Variants in ZRANB3 observed in about 807,000 individuals in gnomAD.
ZRANB3 encodes DNA annealing helicase and endonuclease ZRANB3.
Under a neutral mutation model 133.8 loss-of-function variants are expected in ZRANB3, and 125 were observed. That is an observed-to-expected ratio of 0.93 (90% CI 0.81 to 1.08). The LOEUF (loss-of-function observed/expected upper bound fraction) is 1.08, where lower values mean the gene tolerates loss of function less well. Ranked by LOEUF, ZRANB3 falls within the 50% of genes least tolerant of loss-of-function variation. The pLI is 0.00. For synonymous variants in ZRANB3, 387 were observed against 432.7 expected, an observed-to-expected ratio of 0.89 and a Z score of 1.31; for missense variants, 1,229 against 1,275.5, an observed-to-expected ratio of 0.96 and a Z score of 0.56.
rs113186564 is a variant in ZRANB3 at position 135,229,618 on chromosome 2, C to T, written c.1954+895G>A. On this transcript the variant is annotated intron_variant, in intron 13 of 20. Coordinates refer to ENST00000264159, the MANE Select transcript of ZRANB3 (RefSeq NM_032143.4). ...TCCTGACCTCGTGATCCGCCCGCCTCGGCCTCCCAAAGTGCTGGGATTACA... is the reference window on the plus strand; with the variant it reads ...TCCTGACCTCGTGATCCGCCCGCCTTGGCCTCCCAAAGTGCTGGGATTACA... 3.0e-3 allele frequency among the ~76,000 whole-genome samples: 461 copies of T among 152,140 alleles called. 3 individuals are homozygous for T. Among genetic ancestry groups the T allele is most frequent in the African/African-American group, 0.01 (421 of 41,506 alleles).
At chr2:135,256,424 G>A (rs187709788) in intron 12 of ZRANB3, among the ~76,000 whole-genome samples, 52 of 152,290 alleles carry the variant, frequency 3.4e-4, no homozygotes, top group Non-Finnish European at 5.4e-4. Flanking sequence ...TGCCTCCCGG[G>A]TATAGACAAT....
At chr2:135,268,755 G>A (rs954795429) in intron 11 of ZRANB3, among the ~76,000 whole-genome samples, 2 of 152,108 alleles carry the variant, frequency 1.3e-5, no homozygotes, top group Non-Finnish European at 2.9e-5. Flanking sequence ...ACAGGAGTAC[G>A]TGGAAGTTCA....
In ZRANB3 at chr2:135,265,514, A is replaced by C. The variant is rs1347701067; in HGVS notation, c.1539+20T>G. ...CAGGATACTAAAAAAAATAGAAAAGAGTAAGGCATATAATCTTACGTGAGT... is the reference window on the plus strand; with the variant it reads ...CAGGATACTAAAAAAAATAGAAAAGCGTAAGGCATATAATCTTACGTGAGT... On this transcript the variant is annotated intron_variant, in intron 12 of 20. Coordinates refer to ENST00000264159, the MANE Select transcript of ZRANB3 (RefSeq NM_032143.4). 1.9e-6 allele frequency: 3 copies of C among 1,587,736 alleles called. No homozygotes were observed. The highest frequency in any genetic ancestry group is 2.6e-6 in the Non-Finnish European group (3 of 1,168,580).
intron 2 of ZRANB3, among the ~76,000 whole-genome samples, chr2:135,416,801 G>T (rs937156369): frequency 6.6e-6 from 1 of 151,986 alleles, no homozygotes; most frequent in African/African-American, 2.4e-5. Context: ...CAGAAATAAC[G>T]CCACATATCT....
At chr2:135,371,313 G>A (rs1030256045) in intron 3 of ZRANB3, among the ~76,000 whole-genome samples, 4 of 152,194 alleles carry the variant, frequency 2.6e-5, no homozygotes, top group Admixed American at 2.6e-4. Context: ...GATGCACTTG[G>A]AGGTGTTAAT....
At chr2:135,373,277 G>C (rs1686266280) in intron 3 of ZRANB3, among the ~76,000 whole-genome samples, 1 of 152,138 alleles carries the variant, frequency 6.6e-6, no homozygotes, top group African/African-American at 2.4e-5. Flanking sequence ...AATCTGTGGA[G>C]AAAACCAGAC....
chr2:135,511,695 A>G, intron 1 of ZRANB3: 1 of 766,796 alleles, frequency 1.3e-6, no homozygotes, highest in African/African-American at 1.7e-5. Flanking sequence ...TTAGTGTGGC[A>G]TAAGCATCAA....
chr2:135,315,241 T>C, intron 7 of ZRANB3, 118 bp downstream of exon 7: 1 of 1,020,794 alleles, frequency 9.8e-7, no homozygotes, highest in African/African-American at 1.7e-5. Flanking sequence ...CTCTATTAAT[T>C]AAACCTATTT....
At chr2:135,234,098 G>T (rs1695172454) in intron 12 of ZRANB3, among the ~76,000 whole-genome samples, 1 of 152,130 alleles carries the variant, frequency 6.6e-6, no homozygotes, top group Non-Finnish European at 1.5e-5. Flanking sequence ...GATGGAGGAA[G>T]ATCTACCAAG....
chr2:135,414,331 C>A lies in ZRANB3; in HGVS notation c.162-23511G>T, dbSNP rs111784231. 3.9e-5 allele frequency among the ~76,000 whole-genome samples: 6 copies of A among 152,032 alleles called. No homozygotes were observed. In the East Asian group the frequency reaches 1.2e-3, roughly 29 times the overall value. The stretch of plus-strand genomic sequence containing the variant: ...AGTCTCGGATAAAACAGACTTTAAA[C>A]CAACAAAGATCAAGAGAGACAAAGA... On this transcript the variant is annotated intron_variant, in intron 2 of 20. Coordinates refer to ENST00000264159, the MANE Select transcript of ZRANB3 (RefSeq NM_032143.4).
intron 2 of ZRANB3, among the ~76,000 whole-genome samples, chr2:135,477,682 A>G (rs1691563505): frequency 6.6e-6 from 1 of 152,162 alleles, no homozygotes; most frequent in Non-Finnish European, 1.5e-5. Flanking sequence ...GCTTGAACTG[A>G]CTAATGAAGT....
chr2:135,513,924 T>C (rs1693587894), intron 1 of ZRANB3, among the ~76,000 whole-genome samples: 1 of 152,208 alleles, frequency 6.6e-6, no homozygotes, highest in Admixed American at 6.5e-5. Flanking sequence ...TTTGTCAGGT[T>C]TGTCAAAGAG....
chr2:135,500,356 C>A (rs1241168095), intron 2 of ZRANB3, among the ~76,000 whole-genome samples: 3 of 151,928 alleles, frequency 2.0e-5, no homozygotes, highest in African/African-American at 7.3e-5. Flanking sequence ...ATTCTATGAG[C>A]CCCAAACTAG....
rs112056290 is a variant in ZRANB3, at chr2:135,231,785, C to CA, written c.1540-859dup. Among the ~76,000 whole-genome samples, 1,327 of 143,620 alleles carry CA rather than the reference C, an allele frequency of 9.2e-3. 15 individuals carry two copies. Among genetic ancestry groups the CA allele is most frequent in the African/African-American group, 0.031 (1,195 of 39,156 alleles). The allele number at this position is 143,620 out of a possible 152,430, so 94.2% of individuals were successfully genotyped here. A position where few individuals can be genotyped will look rare whatever the true frequency, so the allele number is the denominator to read the frequency against. On this transcript the variant is annotated intron_variant, in intron 12 of 20. Coordinates refer to ENST00000264159, the MANE Select transcript of ZRANB3 (RefSeq NM_032143.4). ...CTGAGGCAAAGGAGTGAGACCCTGT[C>CA]AAAAAAAAAACACACACAAAAAAAC... is the stretch of plus-strand genomic sequence containing the variant.
At chr2:135,296,252 T>C (rs1682080407) in intron 8 of ZRANB3, among the ~76,000 whole-genome samples, 1 of 152,226 alleles carries the variant, frequency 6.6e-6, no homozygotes, top group Admixed American at 6.5e-5. Context: ...CATAGTCCCA[T>C]ATTTGTTGGA....
At chr2:135,470,797 T>A (rs564771022) in intron 2 of ZRANB3, among the ~76,000 whole-genome samples, 2 of 150,990 alleles carry the variant, frequency 1.3e-5, no homozygotes, top group African/African-American at 4.9e-5. Context: ...GATCACGAAA[T>A]TTCTTTCTTT....
At position 135,531,148 on chromosome 2, in the gene ZRANB3, G is replaced by A. The variant is rs1212167487; in HGVS notation, c.-29C>T. ...ATACCTCGAGTCAGTAAAAACTCAC[G>A]AAACTCCGCACCTCAGGCTCCAACT... On this transcript the variant is annotated 5_prime_UTR_variant, in exon 1 of 21. Transcript: ENST00000264159. 2.0e-5 allele frequency: 3 copies of A among 152,162 alleles called. No homozygotes were observed. The highest frequency in any genetic ancestry group is 4.4e-5 in the Non-Finnish European group (3 of 68,046). 9.4% of individuals were successfully genotyped at this position (152,162 alleles called of 1,614,324 possible).
At chr2:135,414,409 C>T (rs1345487658) in intron 2 of ZRANB3, among the ~76,000 whole-genome samples, 2 of 152,110 alleles carry the variant, frequency 1.3e-5, no homozygotes, top group Non-Finnish European at 2.9e-5. Context: ...GCTAACTATC[C>T]TAAATATATA....
chr2:135,294,531 A>C (rs549215231), intron 8 of ZRANB3, among the ~76,000 whole-genome samples: 346 of 151,628 alleles, frequency 2.3e-3, no homozygotes, highest in African/African-American at 6.0e-3. Flanking sequence ...TTTTTTTGAT[A>C]TTTTCAAAAA....
Sources: gnomAD v4.1 joint callset for allele counts (sites outside exome capture counted in the v4.1 genomes callset) on GRCh38, gnomAD v4.1.1 for gene constraint, MANE v1.5 for transcripts, NCBI Gene and HGNC (gene_info 2026-07-23, HGNC 2026-07-21) for gene names.